The following GLOD4 variants were observed in gnomAD, a reference collection of about 807,000 sequenced individuals.
The protein encoded by GLOD4 is glyoxalase domain containing 4.
In GLOD4, 44 loss-of-function variants were observed where a neutral mutation model predicts 39.1. The ratio of observed to expected loss-of-function variants is 1.13; its 90% CI spans 0.88 to 1.45. The LOEUF is 1.45. Among genes scored for constraint, GLOD4 ranks in the 40% most tolerant of loss-of-function variants. GLOD4 has a pLI of 0.00. For synonymous variants in GLOD4, 145 were observed against 135.0 expected, an observed-to-expected ratio of 1.07 and a Z score of -0.52; for missense variants, 405 against 366.4, an observed-to-expected ratio of 1.11 and a Z score of -0.86.
At chr17:765,531 G>A (rs944956909) in intron 8 of GLOD4, among the ~76,000 whole-genome samples, 2 of 146,038 alleles carry the variant, frequency 1.4e-5, no homozygotes, top group Admixed American at 1.5e-4. Flanking sequence ...CTGTCAGGAA[G>A]ATGAAAATGG....
chr17:769,727 C>G (rs1486556663), intron 8 of GLOD4, 142 bp downstream of exon 8: 1 of 653,306 alleles, frequency 1.5e-6, no homozygotes, highest in Non-Finnish European at 2.8e-6. Context: ...AGACATCGGT[C>G]CTTGGCTGAG....
At chr17:761,157 CAG>C (rs1905356627) in intron 8 of GLOD4, among the ~76,000 whole-genome samples, 1 of 152,142 alleles carries the variant, frequency 6.6e-6, no homozygotes, top group Non-Finnish European at 1.5e-5. Context: ...TTTTGCATGA[CAG>C]AGTGTGTGTA....
chr17:780,445 C>T (rs1409277472), intron 1 of GLOD4, among the ~76,000 whole-genome samples: 1 of 152,232 alleles, frequency 6.6e-6, no homozygotes, highest in African/African-American at 2.4e-5. Context: ...CCAGCGGCTT[C>T]GCAAACATGT....
At chr17:776,801 T>G in intron 3 of GLOD4, 67 bp downstream of exon 3, 2 of 1,177,902 alleles carry the variant, frequency 1.7e-6, no homozygotes, top group Non-Finnish European at 2.5e-6. Flanking sequence ...CCCTTGGCAC[T>G]CTACTCAAAT....
intron 4 of GLOD4, among the ~76,000 whole-genome samples, chr17:772,014 A>C (rs1261643351): frequency 4.3e-4 from 5 of 11,728 alleles, no homozygotes; most frequent in East Asian, 0.01. Flanking sequence ...ACTCTGTCTC[A>C]AAAAAAAAAA....
At position 771,437 on chromosome 17, in the gene GLOD4, G is replaced by T; in HGVS notation, c.431C>A (p.Ala144Glu). The change falls in exon 5 of 9, where the codon GCA becomes GAA. Residue 144 changes from alanine to glutamate, a missense_variant. Physicochemically the swap from Ala to Glu is moderately radical, Grantham distance 107 (BLOSUM62 -1). Transcript: ENST00000301329. ...CAAGGACTTTTGAAGATCAGACACT[G>T]CTAGAGTTACTTTTAATACAGGATC... is the stretch of plus-strand genomic sequence containing the variant. ...QSDPVLKVTL[A>E]VSDLQKSLNY... 6.4e-7 allele frequency: 1 copy of T among 1,568,682 alleles called. No individual in the cohort carries two copies. Among genetic ancestry groups the T allele is most frequent in the Non-Finnish European group, 8.7e-7 (1 of 1,145,658 alleles).
Position 771,447 on chromosome 17 carries a change from C to T in GLOD4, c.421G>A (p.Val141Ile). 1 of 1,565,104 alleles carries T rather than the reference C, an allele frequency of 6.4e-7. No individual in the cohort carries two copies. Residue 141 changes from valine (V) to isoleucine (I), a missense_variant, in exon 5 of 9, where the codon GTA becomes ATA. Val to Ile is a conservative substitution (Grantham distance 29). Transcript: ENST00000301329. ...SLPQSDPVLK[V>I]TLAVSDLQKS... ...TGAAGATCAGACACTGCTAGAGTTA[C>T]TTTTAATACAGGATCTGTTGGGTAA... is the stretch of plus-strand genomic sequence containing the variant.
chr17:763,545 T>C (rs1483276879), intron 8 of GLOD4: 2 of 152,068 alleles, frequency 1.3e-5, no homozygotes, highest in African/African-American at 4.8e-5. Context: ...TAAATAAAAA[T>C]AAAGCACTTA....
intron 2 of GLOD4, 54 bp downstream of exon 2, chr17:778,641 T>C (rs781535970): frequency 2.0e-6 from 2 of 1,007,346 alleles, no homozygotes; most frequent in Non-Finnish European, 3.2e-6. Flanking sequence ...CTGTCTTCTG[T>C]TATCCGGGTG....
intron 8 of GLOD4, among the ~76,000 whole-genome samples, chr17:768,137 A>C (rs1015982859): frequency 8.1e-5 from 12 of 148,306 alleles, no homozygotes; most frequent in Admixed American, 2.0e-4. Context: ...GTGCACTCAG[A>C]TTTTTAGAAG....
At chr17:780,091 G>A (rs933765198) in intron 1 of GLOD4, among the ~76,000 whole-genome samples, 5 of 152,150 alleles carry the variant, frequency 3.3e-5, no homozygotes, top group Admixed American at 1.3e-4. Context: ...GTGAACCCAG[G>A]AGGCGGAGCT....
At chr17:781,093 G>A (rs1909870061) in intron 1 of GLOD4, among the ~76,000 whole-genome samples, 1 of 151,766 alleles carries the variant, frequency 6.6e-6, no homozygotes, top group Non-Finnish European at 1.5e-5. Flanking sequence ...GCTAATTTTT[G>A]TATTTTTAGT....
At chr17:780,917 CTTTTTTTT>C (rs897931602) in intron 1 of GLOD4, among the ~76,000 whole-genome samples, 8 of 120,830 alleles carry the variant, frequency 6.6e-5, no homozygotes, top group African/African-American at 2.2e-4. Context: ...GGTGTTGAAT[CTTTTTTTT>C]TTTTTTTTTT....
At chr17:768,681 C>T (rs77712602) in intron 8 of GLOD4, among the ~76,000 whole-genome samples, 56 of 122,532 alleles carry the variant, frequency 4.6e-4, no homozygotes, top group Middle Eastern at 6.1e-3. Context: ...GGAGAAACAG[C>T]GCGCACTCAG....
intron 4 of GLOD4, 93 bp from the exon 5 acceptor site, chr17:771,554 T>C (rs1907949010): frequency 1.4e-6 from 1 of 726,970 alleles, no homozygotes; most frequent in South Asian, 2.2e-5. Flanking sequence ...AAATTCAGTT[T>C]ATGATAAGAA....
At chr17:776,752 T>C (rs779071390) in intron 3 of GLOD4, 116 bp downstream of exon 3, 1 of 792,272 alleles carries the variant, frequency 1.3e-6, no homozygotes, top group Admixed American at 2.0e-5. Context: ...TGACCTCTTT[T>C]GAGTCTCTGC....
chr17:778,415 C>A (rs937564474), intron 2 of GLOD4: 12 of 533,020 alleles, frequency 2.3e-5, no homozygotes, highest in African/African-American at 3.8e-5. Context: ...TGGAGAATCC[C>A]TTTGTGTCCC....
At chr17:765,725 T>C (rs1380342850) in intron 8 of GLOD4, among the ~76,000 whole-genome samples, 1 of 151,080 alleles carries the variant, frequency 6.6e-6, no homozygotes. Flanking sequence ...GTTACAGGTG[T>C]GAGCCACCGC....
intron 8 of GLOD4, 102 bp from the exon 9 acceptor site, chr17:760,340 C>T (rs1044432267): frequency 4.4e-6 from 3 of 675,298 alleles, no homozygotes; most frequent in Non-Finnish European, 7.9e-6. Context: ...AAAAAATTAA[C>T]ATTAAAAAAA....
Sources: allele counts gnomAD v4.1 joint callset (sites outside exome capture counted in the v4.1 genomes callset), GRCh38; gene constraint gnomAD v4.1.1; transcripts MANE v1.5; gene names NCBI Gene and HGNC (gene_info 2026-07-23, HGNC 2026-07-21).